The following SV2C variants were observed in gnomAD, a reference collection of about 807,000 sequenced individuals.
SV2C encodes synaptic vesicle glycoprotein 2C, also known as solute carrier family 22 member B3.
SV2C carries 49 observed loss-of-function variants against 79.7 expected under a neutral mutation model. The ratio of observed to expected loss-of-function variants is 0.61; its 90% CI spans 0.49 to 0.78. The LOEUF (loss-of-function observed/expected upper bound fraction) is 0.78, where lower values mean the gene tolerates loss of function less well. SV2C is among the 30% of genes least tolerant of loss of function. SV2C has a pLI of 0.00. For missense variants in SV2C, 833 were observed against 912.9 expected (o/e 0.91, Z 1.13); for synonymous variants, 334 against 333.2 (o/e 1.00, Z -0.03).
chr5:75,859,899 C>T, the SV2C span, among the ~76,000 whole-genome samples: 99 of 152,200 alleles, frequency 6.5e-4, 1 homozygote, highest in South Asian at 2.9e-3. Flanking sequence ...CTTTTCTCAT[C>T]CCTTCCTACG....
intron 4 of SV2C, among the ~76,000 whole-genome samples, chr5:76,264,412 C>A (rs1300655524): frequency 3.3e-5 from 5 of 152,058 alleles, no homozygotes; most frequent in African/African-American, 7.2e-5. Context: ...TGTTATTACC[C>A]ACCTTCTGAA....
the SV2C span, among the ~76,000 whole-genome samples, chr5:76,030,289 T>TTTTTTTTTTTTTTTTTTTTTATTTA: frequency 5.1e-5 from 6 of 117,874 alleles, no homozygotes; most frequent in African/African-American, 2.3e-4. Context: ...TTTTTTTTTT[T>TTTTTTTTTTTTTTTTTTTTTATTTA]TTTATTTATT....
chr5:76,280,624 C>T (rs894173153), intron 4 of SV2C, among the ~76,000 whole-genome samples: 1 of 152,156 alleles, frequency 6.6e-6, no homozygotes, highest in African/African-American at 2.4e-5. Flanking sequence ...GAAGTCCAAG[C>T]AAAAGGAGGG....
chr5:76,209,950 T>C, intron 4 of SV2C, 63 bp downstream of exon 4: 1 of 1,525,926 alleles, frequency 6.6e-7, no homozygotes. Context: ...TCCATTCCCA[T>C]CTTCTTCCTC....
intron 3 of SV2C, among the ~76,000 whole-genome samples, chr5:76,200,545 A>G (rs185558898): frequency 1.5e-4 from 23 of 152,342 alleles, no homozygotes; most frequent in Admixed American, 1.4e-3. Flanking sequence ...ACAGATTTCC[A>G]GTTGCTGTGT....
At chr5:75,950,494 G>C in the SV2C span, among the ~76,000 whole-genome samples, 1 of 151,928 alleles carries the variant, frequency 6.6e-6, no homozygotes, top group Admixed American at 6.6e-5. Flanking sequence ...ATCCAAAAGA[G>C]TACTGCCTTT....
rs566901110 is a variant in SV2C at position 76,157,712 on chromosome 5, C to T, written c.580+25382C>T. On this transcript the variant is annotated intron_variant, in intron 2 of 12. Transcript: ENST00000502798. Reference sequence around the variant, plus strand: ...GTGGTAACAAATTCACATAAACAAACGAAGGGATCCACAAATGATAAATAA... The same window carrying T: ...GTGGTAACAAATTCACATAAACAAATGAAGGGATCCACAAATGATAAATAA... Among the ~76,000 whole-genome samples the T allele has an allele frequency of 3.2e-4, 48 of 151,566 alleles. 1 individual carries two copies. In the South Asian group the frequency reaches 5.0e-3, roughly 16 times the overall value.
intron 12 of SV2C, among the ~76,000 whole-genome samples, chr5:76,319,747 A>G (rs1748764197): frequency 6.6e-6 from 1 of 152,236 alleles, no homozygotes; most frequent in African/African-American, 2.4e-5. Context: ...ACAAGGAGAT[A>G]GCAGCCCACA....
chr5:75,899,972 G>A, the SV2C span, among the ~76,000 whole-genome samples: 1 of 152,056 alleles, frequency 6.6e-6, no homozygotes, highest in Non-Finnish European at 1.5e-5. Flanking sequence ...CTGCATGTGA[G>A]GCGGGTTTCC....
intron 2 of SV2C, among the ~76,000 whole-genome samples, chr5:76,140,053 T>C (rs1040573011): frequency 3.3e-5 from 5 of 152,078 alleles, no homozygotes. Context: ...AGAAATGGAG[T>C]AGTTGTTTTT....
At chr5:76,018,793 C>T in the SV2C span, among the ~76,000 whole-genome samples, 1 of 152,292 alleles carries the variant, frequency 6.6e-6, no homozygotes, top group South Asian at 2.1e-4. Flanking sequence ...GAAAAGAATC[C>T]TATGCGTACA....
At chr5:75,860,024 A>T in the SV2C span, among the ~76,000 whole-genome samples, 1 of 152,104 alleles carries the variant, frequency 6.6e-6, no homozygotes, top group African/African-American at 2.4e-5. Context: ...CCGTCTTTTA[A>T]ACTCTTATTC....
chr5:76,018,661 C>T, the SV2C span, among the ~76,000 whole-genome samples: 5 of 152,098 alleles, frequency 3.3e-5, no homozygotes, highest in Admixed American at 3.3e-4. Flanking sequence ...AATAGGATAT[C>T]TCCCTAAATG....
chr5:76,336,675 G>A (rs1749336277), downstream of SV2C, among the ~76,000 whole-genome samples: 1 of 152,020 alleles, frequency 6.6e-6, no homozygotes, highest in African/African-American at 2.4e-5. Flanking sequence ...CGGACCACTC[G>A]CAGTTAGGAG....
At chr5:75,920,069 T>A in the SV2C span, among the ~76,000 whole-genome samples, 1 of 152,328 alleles carries the variant, frequency 6.6e-6, no homozygotes, top group Non-Finnish European at 1.5e-5. Flanking sequence ...GTAAAACACA[T>A]GGCCATAGAA....
At chr5:76,346,214 C>A (rs922886806) in intron 12 of SV2C, among the ~76,000 whole-genome samples, 1 of 152,052 alleles carries the variant, frequency 6.6e-6, no homozygotes, top group South Asian at 2.1e-4. Context: ...ATCTTAAGTG[C>A]GCACATAATG....
At chr5:76,216,461 T>C (rs1017200243) in intron 4 of SV2C, among the ~76,000 whole-genome samples, 7 of 152,154 alleles carry the variant, frequency 4.6e-5, no homozygotes, top group Non-Finnish European at 5.9e-5. Flanking sequence ...GAAATGCCCT[T>C]GCCTCAAAAA....
the SV2C span, among the ~76,000 whole-genome samples, chr5:75,988,687 T>C: frequency 6.6e-6 from 1 of 151,932 alleles, no homozygotes; most frequent in African/African-American, 2.4e-5. Context: ...GGTCTCTCTT[T>C]TGAGGAAACC....
chr5:76,161,727 A>C (rs1742903612), intron 2 of SV2C, among the ~76,000 whole-genome samples: 1 of 152,182 alleles, frequency 6.6e-6, no homozygotes, highest in Admixed American at 6.5e-5. Flanking sequence ...AAAACTCCTG[A>C]ATTTTACCCT....
Sources: allele counts gnomAD v4.1 joint callset (sites outside exome capture counted in the v4.1 genomes callset), GRCh38; gene constraint gnomAD v4.1.1; transcripts MANE v1.5; gene names NCBI Gene and HGNC (gene_info 2026-07-23, HGNC 2026-07-21).